Variants in PIK3C2G observed in about 807,000 individuals in gnomAD.
PIK3C2G encodes phosphatidylinositol-4-phosphate 3-kinase catalytic subunit type 2 gamma.
Under a neutral mutation model 181.1 loss-of-function variants are expected in PIK3C2G, and 168 were observed. The observed-to-expected ratio is 0.93, with a 90% CI of 0.82 to 1.05. The LOEUF (loss-of-function observed/expected upper bound fraction) is 1.05. Among genes scored for constraint, PIK3C2G ranks in the 50% least tolerant of loss-of-function variants. The pLI is 0.00. For synonymous variants in PIK3C2G, 573 were observed against 592.2 expected (o/e 0.97, Z 0.47); for missense variants, 1,869 against 1,732.8 (o/e 1.08, Z -1.40).
intron 24 of PIK3C2G, among the ~76,000 whole-genome samples, chr12:18,528,129 A>G (rs1490367978): frequency 6.6e-6 from 1 of 152,164 alleles, no homozygotes; most frequent in African/African-American, 2.4e-5. Flanking sequence ...TTGCTTAATT[A>G]TCTAATGTTC....
intron 9 of PIK3C2G, among the ~76,000 whole-genome samples, chr12:18,341,946 A>G (rs954131017): frequency 1.3e-4 from 20 of 152,048 alleles, no homozygotes; most frequent in African/African-American, 4.8e-4. Flanking sequence ...TATGACAAAC[A>G]TACTTGTACT....
chr12:18,549,921 C>T (rs954351277), intron 26 of PIK3C2G, among the ~76,000 whole-genome samples: 1 of 151,266 alleles, frequency 6.6e-6, no homozygotes, highest in Non-Finnish European at 1.5e-5. Flanking sequence ...ATGCCATGAG[C>T]CTCTCTCTAC....
intron 31 of PIK3C2G, among the ~76,000 whole-genome samples, chr12:18,634,594 T>A (rs1334597523): frequency 6.6e-6 from 1 of 152,124 alleles, no homozygotes; most frequent in Non-Finnish European, 1.5e-5. Flanking sequence ...AGGAACTGAG[T>A]GTCAGTCTCT....
intron 18 of PIK3C2G, among the ~76,000 whole-genome samples, chr12:18,460,003 A>G (rs1347437754): frequency 6.6e-6 from 1 of 152,126 alleles, no homozygotes; most frequent in African/African-American, 2.4e-5. Context: ...GACCTCAAGT[A>G]AGATGCCCGC....
chr12:18,499,900 A>T (rs1941292151), intron 22 of PIK3C2G, among the ~76,000 whole-genome samples: 1 of 152,166 alleles, frequency 6.6e-6, no homozygotes, highest in African/African-American at 2.4e-5. Flanking sequence ...TGCCATACTC[A>T]ATTAGAACAT....
At chr12:18,664,761 T>A in the PIK3C2G span, among the ~76,000 whole-genome samples, 4,735 of 151,588 alleles carry the variant, frequency 0.031, 252 homozygotes, top group African/African-American at 0.11. Flanking sequence ...CCAATCCAAA[T>A]GTCCAACAAT....
chr12:18,653,186 G>A (rs1950593739), downstream of PIK3C2G, among the ~76,000 whole-genome samples: 1 of 152,112 alleles, frequency 6.6e-6, no homozygotes, highest in East Asian at 1.9e-4. Context: ...CCCACTCCCA[G>A]CATTGGCAGC....
chr12:18,293,486 G>A (rs1949799857), intron 4 of PIK3C2G, among the ~76,000 whole-genome samples: 1 of 152,002 alleles, frequency 6.6e-6, no homozygotes, highest in South Asian at 2.1e-4. Flanking sequence ...CCCTTAGAAG[G>A]AGCAATATGT....
intron 22 of PIK3C2G, among the ~76,000 whole-genome samples, chr12:18,498,678 C>A (rs1267581055): frequency 6.6e-6 from 1 of 152,014 alleles, no homozygotes; most frequent in African/African-American, 2.4e-5. Flanking sequence ...CTCAATACCC[C>A]AGTCAACAGT....
chr12:18,325,147 G>A (rs375613945), intron 8 of PIK3C2G, 49 bp downstream of exon 8: 12 of 1,022,342 alleles, frequency 1.2e-5, no homozygotes, highest in Admixed American at 1.2e-4. Context: ...CGTTTTTAAC[G>A]CATCTACTAT....
chr12:18,381,314 T>A (rs937855845), intron 13 of PIK3C2G, among the ~76,000 whole-genome samples: 66 of 152,264 alleles, frequency 4.3e-4, no homozygotes, highest in Non-Finnish European at 6.0e-4. Context: ...TTTTTTTTTT[T>A]AATAAATTTA....
At chr12:18,633,532 G>T (rs925683537) in intron 31 of PIK3C2G, among the ~76,000 whole-genome samples, 1 of 152,178 alleles carries the variant, frequency 6.6e-6, no homozygotes, top group South Asian at 2.1e-4. Flanking sequence ...GGTCTGGGCC[G>T]TTAGTGATCC....
In PIK3C2G at chr12:18,313,396, C is replaced by T. The variant is rs534237085; in HGVS notation, c.1035-566C>T. Among the ~76,000 whole-genome samples the T allele has an allele frequency of 8.5e-5, 13 of 152,096 alleles. 1 individual carries two copies. Among genetic ancestry groups the T allele is most frequent in the African/African-American group, 3.1e-4 (13 of 41,518 alleles). On this transcript the variant is annotated intron_variant, in intron 5 of 32. Transcript: ENST00000538779. ...ACCCTTTGATGTAGACATTACTATTCCAACTCTAAAAGAGAAAATATTGGG... is the reference window on the plus strand; with the variant it reads ...ACCCTTTGATGTAGACATTACTATTTCAACTCTAAAAGAGAAAATATTGGG...
intron 16 of PIK3C2G, among the ~76,000 whole-genome samples, chr12:18,402,056 C>T (rs1944277083): frequency 6.6e-6 from 1 of 152,076 alleles, no homozygotes; most frequent in African/African-American, 2.4e-5. Context: ...AATATGCCCA[C>T]TCAAAAACTC....
upstream of PIK3C2G, among the ~76,000 whole-genome samples, chr12:18,243,877 T>C (rs1948011324): frequency 6.6e-6 from 1 of 151,952 alleles, no homozygotes; most frequent in South Asian, 2.1e-4. Flanking sequence ...TAAAAGGCAC[T>C]TATAAACTCT....
chr12:18,517,221 T>C lies in PIK3C2G; in HGVS notation c.3323+11760T>C, dbSNP rs1351290055. Among the ~76,000 whole-genome samples, 6 of 152,120 alleles carry C rather than the reference T, an allele frequency of 3.9e-5. No homozygotes were observed. The East Asian group carries it at 1.2e-3, about 29-fold the overall frequency. On this transcript the variant is annotated intron_variant, in intron 24 of 32. Transcript: ENST00000538779. ...TACTTTCCATTCTGGGGAAGACTTATCGTGAGTACCAGAACTAAAATACTG... is the reference window on the plus strand; with the variant it reads ...TACTTTCCATTCTGGGGAAGACTTACCGTGAGTACCAGAACTAAAATACTG...
rs1333696276 is a variant in PIK3C2G at position 18,459,354 on chromosome 12, TAA to T, written c.2505-29092_2505-29091del. ...CTAAGTCTAAGGCATTTAGAAAAAG[TAA>T]AAGAGACTAACCTACATGAAAAACC... On this transcript the variant is annotated intron_variant, in intron 18 of 32. Transcript: ENST00000538779. 3.3e-5 allele frequency among the ~76,000 whole-genome samples: 5 copies of T among 152,164 alleles called. No individual in the cohort carries two copies. The South Asian group carries it at 6.2e-4, about 19-fold the overall frequency.
rs543372919 is a variant in PIK3C2G, at chr12:18,529,618, C to T, written c.3324-8538C>T. On this transcript the variant is annotated intron_variant, in intron 24 of 32. Transcript: ENST00000538779. ...TCAAACATCATTCATTTTTTGAGTA[C>T]GTATGTATTTGTTTAAAGAATAATT... Among the ~76,000 whole-genome samples, 10 of 152,116 alleles carry T rather than the reference C, an allele frequency of 6.6e-5. No individual in the cohort carries two copies. The East Asian group carries it at 7.7e-4, about 12-fold the overall frequency.
At chr12:18,717,711 T>A in the PIK3C2G span, among the ~76,000 whole-genome samples, 1 of 152,140 alleles carries the variant, frequency 6.6e-6, no homozygotes, top group African/African-American at 2.4e-5. Context: ...AATTTGGTTA[T>A]TGGAATGAAC....
Sources: gnomAD v4.1 joint callset for allele counts (sites outside exome capture counted in the v4.1 genomes callset) on GRCh38, gnomAD v4.1.1 for gene constraint, MANE v1.5 for transcripts, NCBI Gene and HGNC (gene_info 2026-07-23, HGNC 2026-07-21) for gene names.